STOX2: variants seen among roughly 807,000 people sequenced by gnomAD.
STOX2 encodes storkhead box 2.
A neutral mutation model predicts 60.9 loss-of-function variants in STOX2; 28 were observed. The observed-to-expected ratio is 0.46, with a 90% CI of 0.34 to 0.63. The LOEUF is 0.63. Among genes scored for constraint, STOX2 ranks in the 30% least tolerant of loss-of-function variants. STOX2 has a pLI of 0.01. For synonymous variants in STOX2, 472 were observed against 463.9 expected (o/e 1.02, Z -0.22); for missense variants, 1,024 against 1,187.7 (o/e 0.86, Z 2.03).
In STOX2 at chr4:183,844,065, T is replaced by A. The variant is rs186566408; in HGVS notation, c.364+46010T>A. The stretch of plus-strand genomic sequence containing the variant: ...ATTTCTAATCTTTTTAAAAGCAATC[T>A]AATAATTGTTTCTTAAAAAAACAAA... On this transcript the variant is annotated intron_variant, in intron 1 of 2. Coordinates refer to the STOX2 transcript ENST00000513034. 7.2e-5 allele frequency among the ~76,000 whole-genome samples: 11 copies of A among 152,362 alleles called. No homozygotes were observed. The East Asian group carries it at 1.3e-3, about 19-fold the overall frequency.
At chr4:183,994,242 C>G (rs1733236955) in intron 1 of STOX2, among the ~76,000 whole-genome samples, 1 of 152,136 alleles carries the variant, frequency 6.6e-6, no homozygotes, top group African/African-American at 2.4e-5. Context: ...ACATGTTTGA[C>G]TATTTTTATG....
intron 1 of STOX2, among the ~76,000 whole-genome samples, chr4:183,976,894 T>A (rs1371783341): frequency 6.6e-6 from 1 of 152,192 alleles, no homozygotes; most frequent in Non-Finnish European, 1.5e-5. Flanking sequence ...CAAGCTGTAA[T>A]AAAACTGCCT....
At position 183,938,669 on chromosome 4, in the gene STOX2, CAAAAAAAAA is replaced by C. The variant is rs10577405; in HGVS notation, c.166+31730_166+31738del. On this transcript the variant is annotated intron_variant, in intron 1 of 3. Transcript: ENST00000308497. ...GGGCAACAGAGTGAGACTCCGTCTC[CAAAAAAAAA>C]AAAAAAAAAAAAAAAATCTATTTTA... Among the ~76,000 whole-genome samples, 80 of 82,490 alleles carry C rather than the reference CAAAAAAAAA, an allele frequency of 9.7e-4. 1 individual carries two copies. Among genetic ancestry groups the C allele is most frequent in the South Asian group, 5.7e-3 (14 of 2,446 alleles). 54.1% of individuals were successfully genotyped at this position (82,490 alleles called of 152,430 possible).
intron 1 of STOX2, among the ~76,000 whole-genome samples, chr4:183,915,329 G>A (rs1395001737): frequency 1.3e-5 from 2 of 152,170 alleles, no homozygotes; most frequent in African/African-American, 4.8e-5. Flanking sequence ...GCCATTTACT[G>A]CTTTCGGCAT....
intron 1 of STOX2, among the ~76,000 whole-genome samples, chr4:183,999,258 C>T (rs1161436590): frequency 6.6e-6 from 1 of 152,134 alleles, no homozygotes; most frequent in Non-Finnish European, 1.5e-5. Flanking sequence ...GCTTCACCAG[C>T]CAATGAATGA....
At chr4:183,959,962 TAG>T (rs2111160277) in intron 1 of STOX2, among the ~76,000 whole-genome samples, 1 of 152,072 alleles carries the variant, frequency 6.6e-6, no homozygotes, top group Non-Finnish European at 1.5e-5. Context: ...GAAAAAAAAA[TAG>T]AGACTAGAAA....
At chr4:183,998,922 C>T (rs1560930798) in intron 1 of STOX2, among the ~76,000 whole-genome samples, 1 of 151,998 alleles carries the variant, frequency 6.6e-6, no homozygotes. Flanking sequence ...TAAGAGGTGG[C>T]CGGACTGTAG....
rs147022263 is a variant in STOX2, at chr4:184,010,864, G to T, written c.2026G>T (p.Ala676Ser). 1 of 1,608,092 alleles carries T rather than the reference G, an allele frequency of 6.2e-7. No homozygotes were observed. The highest frequency in any genetic ancestry group is 1.7e-5 in the Admixed American group (1 of 59,324). Residue 676 changes from alanine (A) to serine (S), a missense_variant, in exon 3 of 4, where the codon GCC (alanine) becomes TCC (serine). This residue lies in a region of STOX2 where 922 missense variants were observed against 1,058.3 expected (regional missense o/e 0.87). Transcript: ENST00000308497. This position sits in a 1 kb window ranked among gnomAD's most constrained non-coding sequence, Gnocchi z 4.5. ...AASGGVAEGI[A>S]NGRLVQHHGA... ...TTCGGGAGGAGTGGCTGAAGGGATC[G>T]CCAACGGACGCCTCGTCCAGCACCA...
At chr4:183,892,206 A>G (rs1481613975) in intron 1 of STOX2, among the ~76,000 whole-genome samples, 3 of 152,154 alleles carry the variant, frequency 2.0e-5, no homozygotes, top group South Asian at 4.1e-4. Flanking sequence ...CTCGTCTCCT[A>G]TGCTGCGCCT....
intron 1 of STOX2, among the ~76,000 whole-genome samples, chr4:183,945,110 C>T (rs1383360381): frequency 6.6e-6 from 1 of 152,176 alleles, no homozygotes; most frequent in Non-Finnish European, 1.5e-5. Context: ...TATCACCTTA[C>T]CTTCAAGGTT....
chr4:183,970,635 C>T (rs989406830), intron 1 of STOX2, among the ~76,000 whole-genome samples: 2 of 152,224 alleles, frequency 1.3e-5, no homozygotes, highest in Non-Finnish European at 2.9e-5. Flanking sequence ...CAGCTAGAGG[C>T]ATCTCCATGG....
intron 1 of STOX2, among the ~76,000 whole-genome samples, chr4:183,847,084 A>G (rs952998101): frequency 6.6e-6 from 1 of 152,240 alleles, no homozygotes; most frequent in African/African-American, 2.4e-5. Context: ...AAAGAATCAG[A>G]GAGCCAGTGT....
At chr4:183,874,955 ATATATATATATAT>A (rs1740791223) in intron 1 of STOX2, among the ~76,000 whole-genome samples, 14 of 30,170 alleles carry the variant, frequency 4.6e-4, no homozygotes, top group Admixed American at 1.4e-3. Context: ...AAAAAAAAAT[ATATATATATATAT>A]ATATATATAT....
At chr4:183,946,258 A>G (rs4862274) in intron 1 of STOX2, among the ~76,000 whole-genome samples, 131,115 of 152,206 alleles carry the variant, frequency 0.86, 59,291 homozygotes, top group East Asian at 1. Flanking sequence ...GTGCGACTTC[A>G]GGCAAATTAC....
intron 1 of STOX2, among the ~76,000 whole-genome samples, chr4:183,851,535 A>T (rs1356831140): frequency 5.2e-5 from 4 of 76,914 alleles, no homozygotes; most frequent in Non-Finnish European, 2.7e-5. Flanking sequence ...GAGGGAAAGG[A>T]TGAGGGAAAG....
At chr4:183,864,419 G>C (rs2054512362) in intron 1 of STOX2, among the ~76,000 whole-genome samples, 1 of 152,068 alleles carries the variant, frequency 6.6e-6, no homozygotes, top group African/African-American at 2.4e-5. Flanking sequence ...TTTTGAAATG[G>C]GGTCTTACTC....
intron 1 of STOX2, among the ~76,000 whole-genome samples, chr4:183,922,860 C>G (rs546361041): frequency 6.6e-6 from 1 of 152,178 alleles, no homozygotes; most frequent in Non-Finnish European, 1.5e-5. Context: ...ATTACCCCAC[C>G]TCATCTAAGT....
At chr4:183,984,129 G>T (rs866944085) in intron 1 of STOX2, among the ~76,000 whole-genome samples, 1 of 152,180 alleles carries the variant, frequency 6.6e-6, no homozygotes, top group African/African-American at 2.4e-5. Flanking sequence ...TAGATTTAGG[G>T]TCTGCTGTTG....
intron 1 of STOX2, among the ~76,000 whole-genome samples, chr4:183,924,273 G>A (rs1246335961): frequency 6.6e-6 from 1 of 152,158 alleles, no homozygotes; most frequent in Non-Finnish European, 1.5e-5. Context: ...GGCCCCCACA[G>A]TTGGCTGGAG....
Sources: gnomAD v4.1 joint callset for allele counts (sites outside exome capture counted in the v4.1 genomes callset) on GRCh38, gnomAD v4.1.1 for gene constraint, gnomAD v4.1.1 regional missense constraint, Gnocchi (gnomAD v3.1) non-coding constraint, MANE v1.5 for transcripts, NCBI Gene and HGNC (gene_info 2026-07-23, HGNC 2026-07-21) for gene names.